STIM1: variants seen among roughly 807,000 people sequenced by gnomAD.
The protein encoded by STIM1 is stromal interaction molecule 1.
In STIM1, 25 loss-of-function variants were observed where a neutral mutation model predicts 74.7. That is an observed-to-expected ratio of 0.33 (90% CI 0.24 to 0.47). The LOEUF is 0.47. Ranked by LOEUF, STIM1 falls within the 20% of genes least tolerant of loss-of-function variation. The pLI is 1.00. For synonymous variants in STIM1, 328 were observed against 348.8 expected, an observed-to-expected ratio of 0.94 and a Z score of 0.66; for missense variants, 728 against 920.8, an observed-to-expected ratio of 0.79 and a Z score of 2.71.
At chr11:4,016,371 G>T (rs1386151029) in intron 2 of STIM1, among the ~76,000 whole-genome samples, 1 of 152,220 alleles carries the variant, frequency 6.6e-6, no homozygotes, top group Non-Finnish European at 1.5e-5. Context: ...GGTATCACCA[G>T]TGGAGGCTGC....
chr11:3,929,974 C>G (rs749558182), intron 1 of STIM1, among the ~76,000 whole-genome samples: 1 of 152,070 alleles, frequency 6.6e-6, no homozygotes, highest in East Asian at 1.9e-4. Context: ...CTTCAGTGCC[C>G]GGACAACTGG....
At chr11:3,917,848 G>A (rs953050648) in intron 1 of STIM1, among the ~76,000 whole-genome samples, 1 of 152,160 alleles carries the variant, frequency 6.6e-6, no homozygotes, top group African/African-American at 2.4e-5. Context: ...TTTTCTGGGA[G>A]TTTTTAAAAA....
At chr11:4,038,444 A>G (rs2094121643) in intron 3 of STIM1, among the ~76,000 whole-genome samples, 1 of 152,062 alleles carries the variant, frequency 6.6e-6, no homozygotes, top group Admixed American at 6.6e-5. Context: ...AGCTTCCAGT[A>G]GTGTATTTTC....
chr11:3,900,697 A>T (rs981017213), intron 1 of STIM1, among the ~76,000 whole-genome samples: 3 of 152,136 alleles, frequency 2.0e-5, no homozygotes, highest in Non-Finnish European at 4.4e-5. Context: ...CTCCCACCTC[A>T]GCCTCCCAAG....
At chr11:4,028,648 G>T (rs1351011185) in intron 3 of STIM1, among the ~76,000 whole-genome samples, 1 of 151,858 alleles carries the variant, frequency 6.6e-6, no homozygotes, top group Admixed American at 6.6e-5. Context: ...GACTATAGGT[G>T]ATCCGCCTGC....
chr11:3,920,114 T>C (rs2092699063), intron 1 of STIM1, among the ~76,000 whole-genome samples: 1 of 103,556 alleles, frequency 9.7e-6, no homozygotes, highest in Non-Finnish European at 2.1e-5. Flanking sequence ...AAACTTATTA[T>C]TTTGAAGTGT....
At chr11:4,001,176 A>G (rs1370991080) in intron 2 of STIM1, among the ~76,000 whole-genome samples, 1 of 152,184 alleles carries the variant, frequency 6.6e-6, no homozygotes, top group Non-Finnish European at 1.5e-5. Flanking sequence ...GATATTATCC[A>G]GGAGAACTTC....
intron 3 of STIM1, among the ~76,000 whole-genome samples, chr11:4,047,274 G>T (rs550991316): frequency 6.6e-6 from 1 of 152,294 alleles, no homozygotes; most frequent in East Asian, 1.9e-4. Context: ...GAGGCCAGGA[G>T]TTCTAGACCA....
intron 3 of STIM1, among the ~76,000 whole-genome samples, chr11:4,052,936 T>C (rs530990850): frequency 3.5e-4 from 54 of 152,200 alleles, no homozygotes; most frequent in Non-Finnish European, 5.1e-4. Context: ...GAACAGACAC[T>C]TCTCAAAAGA....
chr11:3,932,381 G>A (rs1240427188), intron 1 of STIM1, among the ~76,000 whole-genome samples: 1 of 152,120 alleles, frequency 6.6e-6, no homozygotes, highest in Non-Finnish European at 1.5e-5. Context: ...GACCCCAGAG[G>A]GCTGGGTGTG....
At chr11:3,895,098 T>C (rs945968770) in intron 1 of STIM1, among the ~76,000 whole-genome samples, 1 of 152,196 alleles carries the variant, frequency 6.6e-6, no homozygotes, top group Non-Finnish European at 1.5e-5. Context: ...GCAATAGCTT[T>C]GGCTGATCCT....
chr11:3,857,087 A>G (rs948344741), intron 1 of STIM1, among the ~76,000 whole-genome samples: 1 of 126,832 alleles, frequency 7.9e-6, no homozygotes, highest in Non-Finnish European at 1.6e-5. Context: ...TGGGAATTCC[A>G]TGCTACAGGT....
At chr11:4,057,333 G>A (rs1300500943) in intron 4 of STIM1, among the ~76,000 whole-genome samples, 2 of 152,196 alleles carry the variant, frequency 1.3e-5, no homozygotes, top group African/African-American at 4.8e-5. Flanking sequence ...TTACAGCCAA[G>A]ACCAGGTCCA....
At chr11:4,038,822 T>C (rs2094124907) in intron 3 of STIM1, among the ~76,000 whole-genome samples, 1 of 152,200 alleles carries the variant, frequency 6.6e-6, no homozygotes, top group South Asian at 2.1e-4. Flanking sequence ...ACGAGGTCTT[T>C]GCTTACATTT....
At chr11:3,918,835 A>G (rs956119178) in intron 1 of STIM1, among the ~76,000 whole-genome samples, 7 of 152,190 alleles carry the variant, frequency 4.6e-5, no homozygotes, top group Non-Finnish European at 7.3e-5. Context: ...GGAGGTAGGG[A>G]AATAGTTTTA....
At chr11:3,971,446 G>GT (rs1277726051) in intron 2 of STIM1, among the ~76,000 whole-genome samples, 2 of 152,098 alleles carry the variant, frequency 1.3e-5, no homozygotes, top group African/African-American at 4.8e-5. Flanking sequence ...GGAGAATGGC[G>GT]TGAGCCTGGG....
At chr11:3,948,084 T>C (rs2093101257) in intron 1 of STIM1, among the ~76,000 whole-genome samples, 2 of 152,190 alleles carry the variant, frequency 1.3e-5, no homozygotes, top group Non-Finnish European at 2.9e-5. Context: ...AGAAGAGCTC[T>C]TATGAGGTGG....
chr11:4,011,918 A>G (rs2093840829), intron 2 of STIM1, among the ~76,000 whole-genome samples: 1 of 152,122 alleles, frequency 6.6e-6, no homozygotes, highest in South Asian at 2.1e-4. Flanking sequence ...TAAGGAAGGG[A>G]TCCAGTTTCA....
intron 1 of STIM1, chr11:3,922,846 C>T (rs1264576944): frequency 2.6e-5 from 4 of 152,142 alleles, no homozygotes; most frequent in Non-Finnish European, 4.4e-5. Flanking sequence ...GCCTGTATTC[C>T]CAGCACTTTG....
Sources: allele counts gnomAD v4.1 joint callset (sites outside exome capture counted in the v4.1 genomes callset), GRCh38; gene constraint gnomAD v4.1.1; transcripts MANE v1.5; gene names NCBI Gene and HGNC (gene_info 2026-07-23, HGNC 2026-07-21).